Variants in MSH6 observed in about 807,000 individuals in gnomAD.
The protein encoded by MSH6 is mutS homolog 6, also known as DNA mismatch repair protein Msh6.
In MSH6, 85 loss-of-function variants were observed where a neutral mutation model predicts 119.1. The observed-to-expected ratio is 0.71, with a 90% CI of 0.60 to 0.85. MSH6 has a LOEUF of 0.85. Among genes scored for constraint, MSH6 ranks in the 40% least tolerant of loss-of-function variants. The probability of loss-of-function intolerance (pLI) is 0.00; values close to 1 mark genes in which losing one functional copy is unlikely to be tolerated. For synonymous variants in MSH6, 830 were observed against 586.9 expected, an observed-to-expected ratio of 1.41 and a Z score of -5.99; for missense variants, 2,163 against 1,655.3, an observed-to-expected ratio of 1.31 and a Z score of -5.32.
chr2:47,798,927 C>T lies in MSH6; in HGVS notation c.944C>T (p.Ser315Phe), dbSNP rs63750491. The change falls in exon 4 of 10, where the codon TCT becomes TTT. Residue 315 changes from serine (S) to phenylalanine (F), a missense_variant. Transcript: ENST00000234420. Reference protein sequence around the residue: ...TGNGSLKRKSSRKETPSATKQ... With the variant: ...TGNGSLKRKSFRKETPSATKQ... ...AATGGCTCTCTTAAAAGGAAAAGCT[C>T]TAGGAAGGAAACGCCCTCAGCCACC... 1 of 1,613,986 alleles carries T rather than the reference C, an allele frequency of 6.2e-7. No individual in the cohort carries two copies. Among genetic ancestry groups the T allele is most frequent in the East Asian group, 2.2e-5 (1 of 44,896 alleles).
chr2:47,794,953 C>G (rs1668980877), intron 2 of MSH6, among the ~76,000 whole-genome samples: 1 of 152,276 alleles, frequency 6.6e-6, no homozygotes, highest in East Asian at 1.9e-4. Flanking sequence ...TGCCACCACA[C>G]CCAGCTAATT....
intron 3 of MSH6, chr2:47,798,186 A>AG (rs1669212464): frequency 5.7e-6 from 1 of 176,252 alleles, no homozygotes; most frequent in South Asian, 1.2e-4. Flanking sequence ...GTTCATTGAG[A>AG]GGTTTCTAAT....
chr2:47,788,946 T>TTTTG (rs1553409740), intron 1 of MSH6, among the ~76,000 whole-genome samples: 5 of 115,830 alleles, frequency 4.3e-5, no homozygotes, highest in Non-Finnish European at 8.7e-5. Context: ...TTTTTTTTTT[T>TTTTG]TGTGAGACGG....
Position 47,804,881 on chromosome 2 carries a change from TAA to T in MSH6, c.3439-26_3439-25del, listed in dbSNP as rs750310368. 1.2e-4 allele frequency: 189 copies of T among 1,549,134 alleles called. No homozygotes were observed. The highest frequency in any genetic ancestry group is 8.8e-4 in the African/African-American group (65 of 73,758). On this transcript the variant is annotated intron_variant, in intron 5 of 9. Transcript: ENST00000234420. ...TTTATGAAACTGTTACTACCAGTCA[TAA>T]AAGACCTTTTCCTCCCTCATTCACA... is the stretch of plus-strand genomic sequence containing the variant.
Position 47,805,062 on chromosome 2 carries a change from AGTCATTTAGAT to A in MSH6, c.3556+38_3556+48del, listed in dbSNP as rs1287308219. 7 of 1,359,924 alleles carry A rather than the reference AGTCATTTAGAT, an allele frequency of 5.1e-6. No homozygotes were observed. In the African/African-American group the frequency reaches 7.2e-5, roughly 14 times the overall value. The allele number at this position is 1,359,924 out of a possible 1,614,324, so 84.2% of individuals were successfully genotyped here. On this transcript the variant is annotated intron_variant, in intron 6 of 9. Coordinates refer to ENST00000234420, the MANE Select transcript of MSH6 (RefSeq NM_000179.3). ...TTGTTTCCCACTTAAGTTCTCATTCAGTCATTTAGATGTGATAAAAGATATTTGCTTCTTGT... is the reference window on the plus strand; with the variant it reads ...TTGTTTCCCACTTAAGTTCTCATTCAGTGATAAAAGATATTTGCTTCTTGT...
intron 4 of MSH6, chr2:47,801,365 T>TTTTTTTTTG: frequency 4.5e-6 from 2 of 446,390 alleles, no homozygotes; most frequent in South Asian, 5.4e-5. Flanking sequence ...TCTTCAGTTT[T>TTTTTTTTTG]TTTTTTTTTT....
chr2:47,809,547 T>C, downstream of MSH6: 1 of 1,310,214 alleles, frequency 7.6e-7, no homozygotes, highest in South Asian at 1.3e-5. Flanking sequence ...GGCTTCTGAT[T>C]ATCTTTCATG....
At chr2:47,790,479 T>C (rs1668658407) in intron 1 of MSH6, among the ~76,000 whole-genome samples, 1 of 152,216 alleles carries the variant, frequency 6.6e-6, no homozygotes, top group Admixed American at 6.5e-5. Flanking sequence ...GCAAGTCTAA[T>C]GAATTAGATA....
chr2:47,805,515 ATACCAATATGTG>A (rs1233560621), intron 6 of MSH6, 91 bp from the exon 7 acceptor site: 5 of 837,484 alleles, frequency 6.0e-6, no homozygotes, highest in Non-Finnish European at 8.2e-6. Context: ...TTAATCTTTT[ATACCAATATGTG>A]TAGCTCATGA....
chr2:47,806,777 A>AGGGAAGTTTGCCTGGCTAGT lies in MSH6; in HGVS notation c.4002_4021dup. ...TTTTTTTTTTTTTTTTTTAATTTTA[A>AGGGAAGTTTGCCTGGCTAGT]GGGAAGTTTGCCTGGCTAGTGAAAG... On this transcript the variant is annotated splice_acceptor_variant, in intron 9 of 9. Coordinates refer to ENST00000234420, the MANE Select transcript of MSH6 (RefSeq NM_000179.3). LOFTEE classifies it high-confidence loss of function. 1 of 1,574,964 alleles carries AGGGAAGTTTGCCTGGCTAGT rather than the reference A, an allele frequency of 6.3e-7. No homozygotes were observed. Among genetic ancestry groups the AGGGAAGTTTGCCTGGCTAGT allele is most frequent in the Non-Finnish European group, 8.6e-7 (1 of 1,157,770 alleles).
intron 7 of MSH6, 54 bp from the exon 8 acceptor site, chr2:47,806,150 T>C (rs1463038778): frequency 7.9e-7 from 1 of 1,273,286 alleles, no homozygotes; most frequent in Non-Finnish European, 1.1e-6. Context: ...TTTTAATTCC[T>C]TTTTTGTTTT....
chr2:47,785,183 G>A lies in MSH6; in HGVS notation c.260+1690G>A, dbSNP rs183514150. Among the ~76,000 whole-genome samples the A allele has an allele frequency of 8.5e-4, 129 of 151,662 alleles. 1 individual carries two copies. Among genetic ancestry groups the A allele is most frequent in the Non-Finnish European group, 7.2e-4 (49 of 67,930 alleles). Reference sequence around the variant, plus strand: ...TATTTGAACAAACGAAGAAATAAAGGCTCAGAAAAAATAACTCATTCAAGA... The same window carrying A: ...TATTTGAACAAACGAAGAAATAAAGACTCAGAAAAAATAACTCATTCAAGA... On this transcript the variant is annotated intron_variant, in intron 1 of 9. Coordinates refer to ENST00000234420, the MANE Select transcript of MSH6 (RefSeq NM_000179.3).
rs1558662808 is a variant in MSH6, at chr2:47,799,730, A to G, written c.1747A>G (p.Arg583Gly). ...AGATGATCGCCATTGTTCGAGATTT[A>G]GGACTCTAGTGGCACACTATCCCCC... The part of the protein sequence containing the change: ...FSDDRHCSRF[R>G]TLVAHYPPVQ... The change falls in exon 4 of 10, where the codon AGG becomes GGG. Residue 583 changes from arginine (R) to glycine (G), a missense_variant. Physicochemically the swap from Arg to Gly is moderately radical, Grantham distance 125. Coordinates refer to ENST00000234420, the MANE Select transcript of MSH6 (RefSeq NM_000179.3). The G allele has an allele frequency of 6.2e-7, 1 of 1,614,206 alleles. No homozygotes were observed. The highest frequency in any genetic ancestry group is 8.5e-7 in the Non-Finnish European group (1 of 1,180,036).
chr2:47,806,865 A>G lies in MSH6; in HGVS notation c.*5A>G, dbSNP rs1162814122. 6.2e-7 allele frequency: 1 copy of G among 1,603,262 alleles called. No individual in the cohort carries two copies. The highest frequency in any genetic ancestry group is 1.7e-5 in the Admixed American group (1 of 59,924). ...ACTTTGATTAAGGAATTATAGACTGACTACATTGGAAGCTTTGAGTTGACT... is the reference window on the plus strand; with the variant it reads ...ACTTTGATTAAGGAATTATAGACTGGCTACATTGGAAGCTTTGAGTTGACT... On this transcript the variant is annotated 3_prime_UTR_variant, in exon 10 of 10. Transcript: ENST00000234420.
rs748779488 is a variant in MSH6 at position 47,783,203 on chromosome 2, A to G, written c.-31A>G. The G allele has an allele frequency of 1.2e-6, 2 of 1,609,734 alleles. No homozygotes were observed. Among genetic ancestry groups the G allele is most frequent in the African/African-American group, 1.3e-5 (1 of 74,284 alleles). The stretch of plus-strand genomic sequence containing the variant: ...GCGGTGCTTTTAGGAGCTCCGTCCG[A>G]CAGAACGGTTGGGCCTTGCCGGCTG... On this transcript the variant is annotated 5_prime_UTR_variant, in exon 1 of 10. Transcript: ENST00000234420.
chr2:47,802,925 GT>G (rs1558386199), intron 4 of MSH6, among the ~76,000 whole-genome samples: 1 of 151,930 alleles, frequency 6.6e-6, no homozygotes, highest in Non-Finnish European at 1.5e-5. Flanking sequence ...GTTTTGTTTT[GT>G]TTTTTGAGAC....
intron 6 of MSH6, 95 bp downstream of exon 6, chr2:47,805,122 T>G (rs572289841): frequency 1.1e-6 from 1 of 869,844 alleles, no homozygotes; most frequent in African/African-American, 1.7e-5. Context: ...AAATCTAATA[T>G]TTGATTTTTC....
At position 47,806,602 on chromosome 2, in the gene MSH6, A is replaced by T. The variant is rs1572747685; in HGVS notation, c.3952A>T (p.Arg1318Ter). 1 of 1,613,194 alleles carries T rather than the reference A, an allele frequency of 6.2e-7. No individual in the cohort carries two copies. Among genetic ancestry groups the T allele is most frequent in the Non-Finnish European group, 8.5e-7 (1 of 1,179,810 alleles). ...AGAGGAAGTTATTCAAAAGGGACAT[A>T]GAAAAGCAAGAGAATTTGAGAAGAT... is the stretch of plus-strand genomic sequence containing the variant. ...LPEEVIQKGH[R>*]KAREFEKMNQ... Residue 1318 changes from arginine to a stop codon, truncating the protein, a stop_gained, in exon 9 of 10, where the codon AGA becomes TGA. Coordinates refer to ENST00000234420, the MANE Select transcript of MSH6 (RefSeq NM_000179.3). LOFTEE classifies it high-confidence loss of function.
At chr2:47,783,526 G>C (rs1427167815) in intron 1 of MSH6, 33 bp downstream of exon 1, 2 of 1,409,940 alleles carry the variant, frequency 1.4e-6, no homozygotes, top group Non-Finnish European at 1.8e-6. Context: ...GAAGGCGGGG[G>C]CATAGCGGCG....
Sources: allele counts gnomAD v4.1 joint callset (sites outside exome capture counted in the v4.1 genomes callset), GRCh38; gene constraint gnomAD v4.1.1; transcripts MANE v1.5; gene names NCBI Gene and HGNC (gene_info 2026-07-23, HGNC 2026-07-21).